The following ZCWPW2 variants were observed in gnomAD, a reference collection of about 807,000 sequenced individuals.
ZCWPW2 encodes the protein zinc finger CW-type and PWWP domain containing 2.
A neutral mutation model predicts 46.6 loss-of-function variants in ZCWPW2; 45 were observed. The observed-to-expected ratio is 0.96, with a 90% confidence interval of 0.76 to 1.24. The LOEUF is 1.24. ZCWPW2 is among the 50% of genes most tolerant of loss of function. The probability of loss-of-function intolerance (pLI) is 0.00; values close to 1 mark genes in which losing one functional copy is unlikely to be tolerated. For missense variants in ZCWPW2, 429 were observed against 403.9 expected, an observed-to-expected ratio of 1.06 and a Z score of -0.53; for synonymous variants, 152 against 137.1, an observed-to-expected ratio of 1.11 and a Z score of -0.76.
At chr3:28,437,540 A>G (rs576381113) in intron 4 of ZCWPW2, among the ~76,000 whole-genome samples, 1 of 152,256 alleles carries the variant, frequency 6.6e-6, no homozygotes, top group Non-Finnish European at 1.5e-5. Context: ...AGTTAATTTA[A>G]TAGGTGCATG....
chr3:28,404,236 C>A (rs1441695780), intron 2 of ZCWPW2, among the ~76,000 whole-genome samples: 3 of 150,718 alleles, frequency 2.0e-5, no homozygotes, highest in African/African-American at 7.3e-5. Flanking sequence ...ATACACAATT[C>A]TCAAAAGAGA....
chr3:28,476,677 T>G (rs537444602), intron 4 of ZCWPW2, among the ~76,000 whole-genome samples: 1 of 152,320 alleles, frequency 6.6e-6, no homozygotes, highest in East Asian at 1.9e-4. Flanking sequence ...TGCACTTTAT[T>G]TCTATTATTA....
chr3:28,512,817 C>T lies in ZCWPW2; in HGVS notation c.658-1247C>T, dbSNP rs146175286. On this transcript the variant is annotated intron_variant, in intron 6 of 9. Coordinates refer to ENST00000383768, the MANE Select transcript of ZCWPW2 (RefSeq NM_001040432.4). ...TCTTCTTAAAAATTCTTTCATGGCT[C>T]ATAGATATCATAGAAACCTGAAGTT... Among the ~76,000 whole-genome samples the T allele has an allele frequency of 3.7e-3, 558 of 151,914 alleles. 3 individuals carry two copies. The highest frequency in any genetic ancestry group is 0.012 in the African/African-American group (502 of 41,376).
intron 4 of ZCWPW2, among the ~76,000 whole-genome samples, chr3:28,446,205 G>A (rs900219570): frequency 6.6e-6 from 1 of 152,010 alleles, no homozygotes; most frequent in Non-Finnish European, 1.5e-5. Context: ...CACTCTACCC[G>A]ACAGGACTAG....
chr3:28,466,663 G>C (rs1698835288), intron 4 of ZCWPW2, among the ~76,000 whole-genome samples: 1 of 152,076 alleles, frequency 6.6e-6, no homozygotes, highest in Non-Finnish European at 1.5e-5. Flanking sequence ...GCCAAGTGTG[G>C]TGGCACACAC....
intron 2 of ZCWPW2, among the ~76,000 whole-genome samples, chr3:28,402,290 A>G (rs1383336513): frequency 6.6e-6 from 1 of 152,184 alleles, no homozygotes; most frequent in African/African-American, 2.4e-5. Flanking sequence ...CAAGGCTACT[A>G]TGAACACCTT....
At chr3:28,424,228 A>AACACACACACACACACAC (rs55725925) in intron 3 of ZCWPW2, among the ~76,000 whole-genome samples, 111 of 138,958 alleles carry the variant, frequency 8.0e-4, no homozygotes, top group African/African-American at 2.8e-3. Flanking sequence ...GTCTTATTCC[A>AACACACACACACACACAC]ACACACACAC....
intron 6 of ZCWPW2, among the ~76,000 whole-genome samples, chr3:28,504,174 G>C (rs1342589658): frequency 6.6e-6 from 1 of 152,058 alleles, no homozygotes; most frequent in African/African-American, 2.4e-5. Flanking sequence ...TCCAGCCTGG[G>C]TGACGGGAGT....
In ZCWPW2 at chr3:28,495,110, C is replaced by T. The variant is rs371734104; in HGVS notation, c.657+2937C>T. Among the ~76,000 whole-genome samples the T allele has an allele frequency of 2.4e-3, 363 of 151,502 alleles. 2 individuals carry two copies. Among genetic ancestry groups the T allele is most frequent in the South Asian group, 9.6e-3 (46 of 4,788 alleles). Reference sequence around the variant, plus strand: ...GTTCATATGGAACCAAAAAAGAGCCCGCATCGCCAAGTCAATCCTAAGCCA... The same window carrying T: ...GTTCATATGGAACCAAAAAAGAGCCTGCATCGCCAAGTCAATCCTAAGCCA... On this transcript the variant is annotated intron_variant, in intron 6 of 9. Transcript: ENST00000383768.
intron 1 of ZCWPW2, among the ~76,000 whole-genome samples, chr3:28,367,715 T>A (rs1191591131): frequency 6.6e-6 from 1 of 152,154 alleles, no homozygotes. Flanking sequence ...ACTTTCTATC[T>A]CGTTGATCTG....
At chr3:28,425,508 A>G (rs1696969772) in intron 3 of ZCWPW2, among the ~76,000 whole-genome samples, 2 of 152,182 alleles carry the variant, frequency 1.3e-5, no homozygotes. Flanking sequence ...AGAGATACCT[A>G]GTGGTGTAGC....
At chr3:28,440,016 A>T (rs1697683510) in intron 4 of ZCWPW2, among the ~76,000 whole-genome samples, 1 of 152,060 alleles carries the variant, frequency 6.6e-6, no homozygotes, top group African/African-American at 2.4e-5. Context: ...CAAAACCTTC[A>T]TTCCTGAGGG....
intron 2 of ZCWPW2, among the ~76,000 whole-genome samples, chr3:28,409,638 C>G (rs1282768186): frequency 2.0e-5 from 3 of 152,034 alleles, no homozygotes; most frequent in Non-Finnish European, 1.5e-5. Context: ...TTCTGTTATT[C>G]TGAAGAAGGT....
At position 28,515,633 on chromosome 3, in the gene ZCWPW2, C is replaced by T; in HGVS notation, c.784+12C>T. The T allele has an allele frequency of 6.3e-7, 1 of 1,597,360 alleles. No homozygotes were observed. Among genetic ancestry groups the T allele is most frequent in the Non-Finnish European group, 8.5e-7 (1 of 1,176,702 alleles). Reference sequence around the variant, plus strand: ...AAAGGAGAACAGGGGTATGTGAAAGCCTGTCCTGCTTTTAGTTCTTTAACC... The same window carrying T: ...AAAGGAGAACAGGGGTATGTGAAAGTCTGTCCTGCTTTTAGTTCTTTAACC... On this transcript the variant is annotated intron_variant, in intron 8 of 9. Transcript: ENST00000383768.
intron 4 of ZCWPW2, among the ~76,000 whole-genome samples, chr3:28,464,675 T>C (rs1050585429): frequency 6.6e-6 from 1 of 152,156 alleles, no homozygotes; most frequent in African/African-American, 2.4e-5. Context: ...AGAAGAAGCA[T>C]AGATGGACAA....
rs183730596 is a variant in ZCWPW2, at chr3:28,500,402, C to A, written c.657+8229C>A. On this transcript the variant is annotated intron_variant, in intron 6 of 9. Transcript: ENST00000383768. ...GAATTTTACATATTTCTAATTAACT[C>A]TATCCCAGATATTATTACCAACTGG... Among the ~76,000 whole-genome samples the A allele has an allele frequency of 1.2e-3, 177 of 152,138 alleles. 1 individual carries two copies. The highest frequency in any genetic ancestry group is 1.5e-3 in the Non-Finnish European group (102 of 67,982).
rs1427261817 is a variant in ZCWPW2, at chr3:28,521,047, A to G, written c.840A>G (p.Ala280=). Residue 280 remains alanine (A), a synonymous_variant, in exon 9 of 10, where the codon GCA becomes GCG. Coordinates refer to ENST00000383768, the MANE Select transcript of ZCWPW2 (RefSeq NM_001040432.4). ...AGCTGGAGCAAATGCTGCAGCAAGC[A>G]CTGCAACCCACAGCCACACCTGATG... is the stretch of plus-strand genomic sequence containing the variant. The part of the protein sequence containing the change: ...LKELEQMLQQ[A]LQPTATPDES... 6.2e-7 allele frequency: 1 copy of G among 1,612,754 alleles called. No homozygotes were observed. The highest frequency in any genetic ancestry group is 1.7e-5 in the Admixed American group (1 of 59,702).
chr3:28,445,098 G>C (rs1296321388), intron 4 of ZCWPW2, among the ~76,000 whole-genome samples: 5 of 150,918 alleles, frequency 3.3e-5, no homozygotes, highest in Non-Finnish European at 7.4e-5. Flanking sequence ...AACCACTCCT[G>C]GTACCAAAAT....
chr3:28,413,125 C>T lies in ZCWPW2; in HGVS notation c.57C>T (p.Ser19=). ...KIEYCNYAMD[S]SVENMYVNKV... is the part of the protein sequence containing the mutation. ...AATATTGTAACTATGCAATGGATTC[C>T]TCAGTGGAAAACATGTATGTAAACA... The change falls in exon 3 of 10, where the codon TCC becomes TCT. Residue 19 remains serine, a synonymous_variant. Transcript: ENST00000383768. 6 of 1,612,816 alleles carry T rather than the reference C, an allele frequency of 3.7e-6. No individual in the cohort carries two copies. In the Middle Eastern group the frequency reaches 9.9e-4, roughly 267 times the overall value.
Sources: gnomAD v4.1 joint callset for allele counts (sites outside exome capture counted in the v4.1 genomes callset) on GRCh38, gnomAD v4.1.1 for gene constraint, MANE v1.5 for transcripts, NCBI Gene and HGNC (gene_info 2026-07-23, HGNC 2026-07-21) for gene names.